The following AGBL4 variants were observed in gnomAD, a reference collection of about 807,000 sequenced individuals.
The protein encoded by AGBL4 is cytosolic carboxypeptidase 6.
AGBL4 carries 58 observed loss-of-function variants against 66.4 expected under a neutral mutation model. The ratio of observed to expected loss-of-function variants is 0.87; its 90% CI spans 0.71 to 1.09. The LOEUF (loss-of-function observed/expected upper bound fraction) is 1.09, where lower values mean the gene tolerates loss of function less well. Ranked by LOEUF, AGBL4 falls within the 50% of genes least tolerant of loss-of-function variation. The pLI is 0.00. For missense variants in AGBL4, 579 were observed against 631.0 expected, an observed-to-expected ratio of 0.92 and a Z score of 0.88; for synonymous variants, 234 against 222.9, an observed-to-expected ratio of 1.05 and a Z score of -0.44.
At chr1:49,175,366 A>G (rs906705907) in intron 4 of AGBL4, among the ~76,000 whole-genome samples, 4 of 152,076 alleles carry the variant, frequency 2.6e-5, no homozygotes, top group African/African-American at 9.7e-5. Context: ...AAAGGAGATG[A>G]TACAAGTATT....
chr1:48,653,109 T>C (rs1645958181), intron 8 of AGBL4, among the ~76,000 whole-genome samples: 1 of 152,210 alleles, frequency 6.6e-6, no homozygotes, highest in Non-Finnish European at 1.5e-5. Context: ...TCCTGATTCC[T>C]GGTCCAGTGA....
At chr1:49,606,775 G>A (rs1420820629) in intron 3 of AGBL4, among the ~76,000 whole-genome samples, 1 of 152,060 alleles carries the variant, frequency 6.6e-6, no homozygotes, top group Non-Finnish European at 1.5e-5. Context: ...TCCAGCCTAG[G>A]TATTTCTGAA....
intron 3 of AGBL4, among the ~76,000 whole-genome samples, chr1:49,556,631 G>A (rs1469225365): frequency 6.6e-6 from 1 of 152,032 alleles, no homozygotes; most frequent in Admixed American, 6.6e-5. Flanking sequence ...CGACTCAGGA[G>A]CCCAGCTGGC....
chr1:49,086,254 G>A (rs1230945580), intron 4 of AGBL4, among the ~76,000 whole-genome samples: 1 of 152,182 alleles, frequency 6.6e-6, no homozygotes. Flanking sequence ...CAATAGGGTA[G>A]GCAACCTTGC....
chr1:49,418,675 C>G (rs1645480220), intron 3 of AGBL4, among the ~76,000 whole-genome samples: 1 of 152,190 alleles, frequency 6.6e-6, no homozygotes, highest in African/African-American at 2.4e-5. Flanking sequence ...GTGATCCCCC[C>G]TGTGCTTAAA....
At chr1:49,203,352 C>A (rs928649865) in intron 4 of AGBL4, among the ~76,000 whole-genome samples, 1 of 151,802 alleles carries the variant, frequency 6.6e-6, no homozygotes, top group Admixed American at 6.6e-5. Context: ...TACACAAGAG[C>A]CAAGTTGTAG....
intron 7 of AGBL4, among the ~76,000 whole-genome samples, chr1:48,654,543 A>T (rs1381956416): frequency 6.6e-6 from 1 of 152,218 alleles, no homozygotes; most frequent in Non-Finnish European, 1.5e-5. Flanking sequence ...AAACCCTCCC[A>T]CAATGCAGAA....
intron 4 of AGBL4, among the ~76,000 whole-genome samples, chr1:49,066,394 TA>T (rs1571361423): frequency 6.6e-6 from 1 of 152,200 alleles, no homozygotes; most frequent in East Asian, 1.9e-4. Context: ...TCTACTAAAA[TA>T]CAAAAAATTA....
intron 6 of AGBL4, among the ~76,000 whole-genome samples, chr1:48,707,246 A>G (rs1646895148): frequency 6.6e-6 from 1 of 152,198 alleles, no homozygotes. Context: ...GTGAGCTAAG[A>G]TCATGCCACT....
At chr1:48,904,987 G>C (rs552185846) in intron 5 of AGBL4, among the ~76,000 whole-genome samples, 1 of 152,262 alleles carries the variant, frequency 6.6e-6, no homozygotes, top group South Asian at 2.1e-4. Flanking sequence ...ATGTTCCCTG[G>C]AGGATTTTCT....
chr1:48,639,021 C>T (rs1387969900), intron 8 of AGBL4, among the ~76,000 whole-genome samples: 1 of 152,234 alleles, frequency 6.6e-6, no homozygotes, highest in Non-Finnish European at 1.5e-5. Context: ...CATAGTCTCC[C>T]CAGTTGGCTA....
intron 3 of AGBL4, among the ~76,000 whole-genome samples, chr1:49,350,495 G>A (rs962522128): frequency 1.8e-4 from 27 of 152,186 alleles, no homozygotes; most frequent in African/African-American, 6.0e-4. Context: ...GAGCCACCGC[G>A]CCCGGCCCTG....
intron 4 of AGBL4, among the ~76,000 whole-genome samples, chr1:49,061,995 T>G (rs1644411021): frequency 6.6e-6 from 1 of 152,132 alleles, no homozygotes; most frequent in Non-Finnish European, 1.5e-5. Context: ...CTGCTTGAGC[T>G]CCACTTCCTG....
intron 6 of AGBL4, among the ~76,000 whole-genome samples, chr1:48,832,105 A>T (rs542752038): frequency 5.9e-5 from 9 of 152,326 alleles, no homozygotes; most frequent in Admixed American, 5.2e-4. Context: ...CACAAAGTAG[A>T]AGGGGTGCAG....
chr1:49,595,272 G>A (rs1644830485), intron 3 of AGBL4, among the ~76,000 whole-genome samples: 1 of 151,980 alleles, frequency 6.6e-6, no homozygotes, highest in South Asian at 2.1e-4. Context: ...TGTATTTTTA[G>A]TAGAGACGGG....
intron 1 of AGBL4, among the ~76,000 whole-genome samples, chr1:49,884,307 T>C (rs1462838730): frequency 6.6e-6 from 1 of 151,972 alleles, no homozygotes. Flanking sequence ...CTGAAGGTTA[T>C]GTAAAACACA....
At chr1:49,511,402 CAAT>C (rs1375263235) in intron 3 of AGBL4, among the ~76,000 whole-genome samples, 5 of 134,396 alleles carry the variant, frequency 3.7e-5, no homozygotes, top group African/African-American at 1.4e-4. Context: ...GGGAATTGAA[CAAT>C]GAGATCACAT....
intron 1 of AGBL4, among the ~76,000 whole-genome samples, chr1:50,002,888 T>C (rs1001238949): frequency 6.6e-6 from 1 of 152,194 alleles, no homozygotes; most frequent in Non-Finnish European, 1.5e-5. Flanking sequence ...AATCTTATTA[T>C]AATTCAAAAA....
intron 1 of AGBL4, among the ~76,000 whole-genome samples, chr1:49,930,569 AC>A (rs1314398734): frequency 6.6e-6 from 1 of 152,152 alleles, no homozygotes; most frequent in Non-Finnish European, 1.5e-5. Flanking sequence ...ACACAAAAAA[AC>A]ACATGATGTA....
Sources: allele counts gnomAD v4.1 joint callset (sites outside exome capture counted in the v4.1 genomes callset), GRCh38; gene constraint gnomAD v4.1.1; transcripts MANE v1.5; gene names NCBI Gene and HGNC (gene_info 2026-07-23, HGNC 2026-07-21).